The following STEAP1B variants were observed in gnomAD, a reference collection of about 807,000 sequenced individuals.
The protein encoded by STEAP1B is STEAP family member 1B, also known as STEAP family protein MGC87042.
Under a neutral mutation model 27.9 loss-of-function variants are expected in STEAP1B, and 13 were observed. The observed-to-expected ratio is 0.47, with a 90% CI of 0.30 to 0.74. STEAP1B has a LOEUF of 0.74. Among genes scored for constraint, STEAP1B ranks in the 30% least tolerant of loss-of-function variants. The probability of loss-of-function intolerance (pLI) is 0.06; values close to 1 mark genes in which losing one functional copy is unlikely to be tolerated. For missense variants in STEAP1B, 250 were observed against 298.7 expected (o/e 0.84, Z 1.20); for synonymous variants, 86 against 107.1 (o/e 0.80, Z 1.22).
intron 4 of STEAP1B, among the ~76,000 whole-genome samples, chr7:22,482,012 C>T (rs1786083737): frequency 6.6e-6 from 1 of 152,208 alleles, no homozygotes; most frequent in Non-Finnish European, 1.5e-5. Flanking sequence ...TGGGTGGCCA[C>T]TGTGTTCTCT....
At chr7:22,470,546 G>GT (rs1239170192) in intron 4 of STEAP1B, among the ~76,000 whole-genome samples, 35 of 152,056 alleles carry the variant, frequency 2.3e-4, no homozygotes, top group Admixed American at 2.3e-3. Context: ...TGAGGTGGCC[G>GT]TATCACTTGA....
rs375407519 is a variant in STEAP1B, at chr7:22,461,745, C to A, written c.762+30820G>T. On this transcript the variant is annotated intron_variant, in intron 4 of 4. Transcript: ENST00000678116. ...CAGGCTCTGCTGCGGTAGTTTGATT[C>A]TCTTCATGGTGCAAACAAGCTCCTA... 9.8e-5 allele frequency among the ~76,000 whole-genome samples: 15 copies of A among 152,314 alleles called. No homozygotes were observed. In the East Asian group the frequency reaches 1.7e-3, roughly 18 times the overall value.
chr7:22,420,655 C>T (rs1019580109), intron 4 of STEAP1B, among the ~76,000 whole-genome samples: 2 of 152,226 alleles, frequency 1.3e-5, no homozygotes, highest in Admixed American at 6.5e-5. Context: ...CATGCTCTTG[C>T]ATGGCTTGTA....
At chr7:22,490,520 T>C (rs1786302934) in intron 4 of STEAP1B, among the ~76,000 whole-genome samples, 1 of 152,250 alleles carries the variant, frequency 6.6e-6, no homozygotes, top group Non-Finnish European at 1.5e-5. Context: ...CCTTCTGTAA[T>C]TATTTATGAC....
intron 4 of STEAP1B, among the ~76,000 whole-genome samples, chr7:22,467,238 T>C (rs180681205): frequency 6.6e-6 from 1 of 152,172 alleles, no homozygotes; most frequent in African/African-American, 2.4e-5. Flanking sequence ...GAGAGGAAAC[T>C]CTCAGGAAAT....
At chr7:22,496,311 A>AT (rs1398727610) in intron 1 of STEAP1B, among the ~76,000 whole-genome samples, 4 of 152,202 alleles carry the variant, frequency 2.6e-5, no homozygotes, top group Non-Finnish European at 4.4e-5. Context: ...AGTAAAAACA[A>AT]TAAGTTAATA....
chr7:22,479,352 C>T (rs912294561), intron 4 of STEAP1B, among the ~76,000 whole-genome samples: 3 of 152,228 alleles, frequency 2.0e-5, no homozygotes, highest in Admixed American at 6.5e-5. Context: ...CTGCCCTTAA[C>T]AGAATCACAT....
At chr7:22,457,071 C>T (rs1785600655) in intron 4 of STEAP1B, among the ~76,000 whole-genome samples, 1 of 148,800 alleles carries the variant, frequency 6.7e-6, no homozygotes, top group Non-Finnish European at 1.5e-5. Flanking sequence ...GTCTTCCAAA[C>T]ATTAACCCTG....
chr7:22,446,755 T>A (rs1200510911), intron 4 of STEAP1B, among the ~76,000 whole-genome samples: 1 of 152,206 alleles, frequency 6.6e-6, no homozygotes, highest in Non-Finnish European at 1.5e-5. Context: ...GGTAAACGAC[T>A]CAAGCCTGGT....
At chr7:22,487,801 AC>A (rs1786238756) in intron 4 of STEAP1B, among the ~76,000 whole-genome samples, 1 of 116,954 alleles carries the variant, frequency 8.6e-6, no homozygotes, top group Non-Finnish European at 1.8e-5. Context: ...GCAAAACTCC[AC>A]CCAAAAAAAA....
intron 4 of STEAP1B, among the ~76,000 whole-genome samples, chr7:22,448,216 A>G (rs913829515): frequency 1.3e-5 from 2 of 152,248 alleles, no homozygotes; most frequent in Non-Finnish European, 1.5e-5. Flanking sequence ...AGTTGCAAAG[A>G]TGTAATTATG....
chr7:22,422,951 A>G (rs1430878809), intron 4 of STEAP1B, among the ~76,000 whole-genome samples: 1 of 152,240 alleles, frequency 6.6e-6, no homozygotes, highest in Non-Finnish European at 1.5e-5. Flanking sequence ...GAACGGAGAT[A>G]TTTGGAGAAA....
At chr7:22,484,691 G>A (rs930792588) in intron 4 of STEAP1B, among the ~76,000 whole-genome samples, 1 of 152,166 alleles carries the variant, frequency 6.6e-6, no homozygotes, top group Admixed American at 6.5e-5. Context: ...AGATGCCATA[G>A]GTAATGATTC....
intron 4 of STEAP1B, among the ~76,000 whole-genome samples, chr7:22,424,895 G>GAAA (rs34020475): frequency 5.5e-5 from 8 of 146,770 alleles, no homozygotes; most frequent in South Asian, 4.3e-4. Context: ...ATTGTTAAGT[G>GAAA]AAAAAAAAAA....
chr7:22,476,552 A>G (rs980923798), intron 4 of STEAP1B, among the ~76,000 whole-genome samples: 2 of 152,110 alleles, frequency 1.3e-5, no homozygotes, highest in Non-Finnish European at 2.9e-5. Flanking sequence ...TGTATAGTCC[A>G]CATTTCATGG....
At chr7:22,432,818 T>C (rs1202879063) in intron 4 of STEAP1B, among the ~76,000 whole-genome samples, 1 of 152,018 alleles carries the variant, frequency 6.6e-6, no homozygotes, top group Non-Finnish European at 1.5e-5. Flanking sequence ...AAACAGCAAA[T>C]GTGTACCATG....
rs540689264 is a variant in STEAP1B, at chr7:22,461,827, C to A, written c.762+30738G>T. ...TTAAACCAGATGTAACCTATTCCAA[C>A]ATTTACTTAAATTGTGTGTTAAGTC... On this transcript the variant is annotated intron_variant, in intron 4 of 4. Transcript: ENST00000678116. Among the ~76,000 whole-genome samples the A allele has an allele frequency of 1.7e-4, 26 of 152,342 alleles. No homozygotes were observed. In the South Asian group the frequency reaches 5.4e-3, roughly 32 times the overall value.
At chr7:22,427,012 T>C (rs960075416) in intron 4 of STEAP1B, among the ~76,000 whole-genome samples, 3 of 152,062 alleles carry the variant, frequency 2.0e-5, no homozygotes, top group African/African-American at 7.2e-5. Context: ...GGACGTCAAG[T>C]ACAAACACCC....
intron 4 of STEAP1B, among the ~76,000 whole-genome samples, chr7:22,472,556 T>C (rs946909099): frequency 6.6e-6 from 1 of 152,132 alleles, no homozygotes; most frequent in Non-Finnish European, 1.5e-5. Context: ...TTGACAAGAG[T>C]AATTCAACAT....
Sources: allele counts gnomAD v4.1 joint callset (sites outside exome capture counted in the v4.1 genomes callset), GRCh38; gene constraint gnomAD v4.1.1; transcripts MANE v1.5; gene names NCBI Gene and HGNC (gene_info 2026-07-23, HGNC 2026-07-21).